KIAA1217: variants seen among roughly 807,000 people sequenced by gnomAD.
KIAA1217 encodes the protein KIAA1217, also known as sickle tail protein homolog.
Under a neutral mutation model 163.9 loss-of-function variants are expected in KIAA1217, and 88 were observed. That is an observed-to-expected ratio of 0.54 (90% CI 0.45 to 0.64). The LOEUF is 0.64. KIAA1217 is among the 30% of genes least tolerant of loss of function. The pLI is 0.00. For synonymous variants in KIAA1217, 903 were observed against 923.1 expected (o/e 0.98, Z 0.39); for missense variants, 2,372 against 2,475.0 (o/e 0.96, Z 0.88).
In KIAA1217 at chr10:23,839,462, G is replaced by A. The variant is rs527314784; in HGVS notation, c.-321+144228G>A. ...GCTTTTGCTGATATACAGGGCAAGC[G>A]AAATCTCCTTAGTGTCTCTAACTCT... On this transcript the variant is annotated intron_variant, in intron 1 of 18. Transcript: ENST00000376462. 3.3e-5 allele frequency among the ~76,000 whole-genome samples: 5 copies of A among 152,216 alleles called. No homozygotes were observed. The East Asian group carries it at 7.7e-4, about 24-fold the overall frequency.
intron 1 of KIAA1217, among the ~76,000 whole-genome samples, chr10:23,868,041 A>G (rs1840278837): frequency 6.6e-6 from 1 of 152,080 alleles, no homozygotes; most frequent in Admixed American, 6.6e-5. Context: ...GGTGTAAGGA[A>G]GGGATCCAGT....
At chr10:23,713,714 A>G (rs1837398552) in intron 1 of KIAA1217, among the ~76,000 whole-genome samples, 1 of 152,138 alleles carries the variant, frequency 6.6e-6, no homozygotes, top group Non-Finnish European at 1.5e-5. Context: ...GGTATCTGTA[A>G]TAAAGTTTGA....
At chr10:24,439,690 A>C (rs754918592) in intron 5 of KIAA1217, among the ~76,000 whole-genome samples, 15 of 148,988 alleles carry the variant, frequency 1.0e-4, no homozygotes, top group Non-Finnish European at 7.4e-5. Flanking sequence ...GGTCATCAAC[A>C]TTTCTTGGTT....
intron 5 of KIAA1217, among the ~76,000 whole-genome samples, chr10:24,451,005 G>A (rs751366019): frequency 3.3e-5 from 5 of 152,104 alleles, no homozygotes; most frequent in Non-Finnish European, 7.4e-5. Flanking sequence ...TAGATCTGTA[G>A]CATCCAAAAC....
At position 23,764,931 on chromosome 10, in the gene KIAA1217, G is replaced by GT. The variant is rs1170327369; in HGVS notation, c.-321+69698dup. Among the ~76,000 whole-genome samples the GT allele has an allele frequency of 2.0e-5, 3 of 152,234 alleles. No homozygotes were observed. In the East Asian group the frequency reaches 5.8e-4, roughly 29 times the overall value. Reference sequence around the variant, plus strand: ...TCACATAATATCAACATTCTCGTCTGTATTAGTCTGTTGTTTCATGTTGCT... The same window carrying GT: ...TCACATAATATCAACATTCTCGTCTGTTATTAGTCTGTTGTTTCATGTTGCT... On this transcript the variant is annotated intron_variant, in intron 1 of 18. Coordinates refer to the KIAA1217 transcript ENST00000376462.
chr10:24,147,938 C>T (rs758344001), intron 2 of KIAA1217, among the ~76,000 whole-genome samples: 31 of 149,386 alleles, frequency 2.1e-4, no homozygotes, highest in Non-Finnish European at 3.0e-4. Flanking sequence ...ATGTACTTTG[C>T]AAGATTCAAA....
At chr10:23,922,620 G>A (rs1348598651) in intron 1 of KIAA1217, among the ~76,000 whole-genome samples, 1 of 152,186 alleles carries the variant, frequency 6.6e-6, no homozygotes, top group East Asian at 1.9e-4. Flanking sequence ...GGTGTCTACA[G>A]AGAACAGGAG....
intron 12 of KIAA1217, 59 bp from the exon 13 acceptor site, chr10:24,524,264 G>A: frequency 6.5e-7 from 1 of 1,540,960 alleles, no homozygotes; most frequent in East Asian, 2.3e-5. Flanking sequence ...TAGCCTGCAA[G>A]TATACCACCA....
At chr10:24,212,691 A>T (rs1011318725) in intron 1 of KIAA1217, among the ~76,000 whole-genome samples, 8 of 152,336 alleles carry the variant, frequency 5.3e-5, no homozygotes, top group Non-Finnish European at 8.8e-5. Flanking sequence ...AACATCTCTG[A>T]TGCTAACATC....
intron 8 of KIAA1217, among the ~76,000 whole-genome samples, chr10:24,500,221 T>TG (rs556967529): frequency 1.9e-5 from 2 of 102,686 alleles, no homozygotes; most frequent in African/African-American, 7.8e-5. Context: ...GTGTGTGTCT[T>TG]TATTAGTAAC....
At chr10:24,115,581 C>T (rs758568484) in intron 2 of KIAA1217, among the ~76,000 whole-genome samples, 25 of 152,226 alleles carry the variant, frequency 1.6e-4, no homozygotes, top group Admixed American at 4.6e-4. Context: ...TCTTCCTGCT[C>T]ACAGTGAGAT....
chr10:23,975,708 C>T (rs567424034), intron 1 of KIAA1217, among the ~76,000 whole-genome samples: 9 of 152,154 alleles, frequency 5.9e-5, no homozygotes, highest in Non-Finnish European at 1.0e-4. Flanking sequence ...CAGAGCCTCA[C>T]GGGTGCCTAC....
intron 2 of KIAA1217, among the ~76,000 whole-genome samples, chr10:24,169,869 AAAC>A (rs1448160780): frequency 6.6e-6 from 1 of 152,202 alleles, no homozygotes; most frequent in African/African-American, 2.4e-5. Flanking sequence ...ATAAAACAGT[AAAC>A]AACAACAAAA....
intron 2 of KIAA1217, among the ~76,000 whole-genome samples, chr10:24,017,515 T>G (rs1296677970): frequency 3.3e-5 from 5 of 152,106 alleles, no homozygotes; most frequent in Admixed American, 3.3e-4. Flanking sequence ...GAATCAATGT[T>G]AAATGCAAAT....
intron 1 of KIAA1217, among the ~76,000 whole-genome samples, chr10:23,960,154 A>G (rs1046736128): frequency 4.0e-5 from 6 of 151,844 alleles, no homozygotes; most frequent in African/African-American, 4.8e-5. Context: ...TGACCTCATG[A>G]TCTGCCCACC....
intron 2 of KIAA1217, among the ~76,000 whole-genome samples, chr10:24,316,902 C>T (rs1165271668): frequency 6.6e-6 from 1 of 152,080 alleles, no homozygotes; most frequent in Non-Finnish European, 1.5e-5. Flanking sequence ...ATGAAAACTG[C>T]CTGTTCAAAT....
At chr10:23,706,620 T>G (rs952355505) in intron 1 of KIAA1217, among the ~76,000 whole-genome samples, 4 of 152,244 alleles carry the variant, frequency 2.6e-5, no homozygotes, top group Non-Finnish European at 5.9e-5. Flanking sequence ...TAAATTCTAC[T>G]TGATTATGTT....
At chr10:24,037,094 GTCAAGGT>G (rs931156648) in intron 2 of KIAA1217, among the ~76,000 whole-genome samples, 24 of 152,138 alleles carry the variant, frequency 1.6e-4, no homozygotes, top group African/African-American at 5.8e-4. Context: ...AAAGGCAAAT[GTCAAGGT>G]TCAGTGTGTT....
At chr10:23,894,914 G>A (rs1308362116) in intron 1 of KIAA1217, among the ~76,000 whole-genome samples, 2 of 152,012 alleles carry the variant, frequency 1.3e-5, no homozygotes, top group African/African-American at 4.8e-5. Context: ...TTAATAAATG[G>A]TGCTGGGAAA....
Sources: gnomAD v4.1 joint callset for allele counts (sites outside exome capture counted in the v4.1 genomes callset) on GRCh38, gnomAD v4.1.1 for gene constraint, MANE v1.5 for transcripts, NCBI Gene and HGNC (gene_info 2026-07-23, HGNC 2026-07-21) for gene names.